The following SP100 variants were observed in gnomAD, a reference collection of about 807,000 sequenced individuals.
SP100 encodes SP100 nuclear body protein.
Under a neutral mutation model 130.0 loss-of-function variants are expected in SP100, and 84 were observed. The ratio of observed to expected loss-of-function variants is 0.65; its 90% confidence interval spans 0.54 to 0.77. The LOEUF (loss-of-function observed/expected upper bound fraction) is 0.77. SP100 is among the 30% of genes least tolerant of loss of function. The pLI is 0.00. For synonymous variants in SP100, 331 were observed against 351.7 expected (o/e 0.94, Z 0.66); for missense variants, 978 against 1,052.2 (o/e 0.93, Z 0.97).
intron 24 of SP100, among the ~76,000 whole-genome samples, chr2:230,522,404 C>A (rs1303700273): frequency 1.3e-5 from 2 of 150,482 alleles, no homozygotes; most frequent in Non-Finnish European, 3.0e-5. Flanking sequence ...GGCTTTTAAG[C>A]TGCTGTTCTA....
At chr2:230,421,754 G>T (rs899116783) in intron 2 of SP100, among the ~76,000 whole-genome samples, 1 of 151,924 alleles carries the variant, frequency 6.6e-6, no homozygotes, top group Non-Finnish European at 1.5e-5. Context: ...CACCTGTTTT[G>T]CCTGTCTGAA....
At position 230,445,171 on chromosome 2, in the gene SP100, A is replaced by G. The variant is rs114202496; in HGVS notation, c.439+825A>G. ...TTCTTGACCTTTTTCCTGAGAATGC[A>G]TAATTTATACTATTAAAATGGTACA... On this transcript the variant is annotated intron_variant, in intron 4 of 28. Coordinates refer to ENST00000340126, the MANE Select transcript of SP100 (RefSeq NM_001080391.2). 9.2e-3 allele frequency among the ~76,000 whole-genome samples: 1,406 copies of G among 152,330 alleles called. 23 individuals are homozygous for G. The highest frequency in any genetic ancestry group is 0.032 in the African/African-American group (1,344 of 41,562).
chr2:230,465,028 G>C (rs1007916614), intron 11 of SP100, among the ~76,000 whole-genome samples: 1 of 152,170 alleles, frequency 6.6e-6, no homozygotes, highest in Non-Finnish European at 1.5e-5. Flanking sequence ...ATGAGATTAG[G>C]AGTTCGAGAC....
At chr2:230,519,952 G>A (rs991924821) in intron 24 of SP100, among the ~76,000 whole-genome samples, 2 of 152,190 alleles carry the variant, frequency 1.3e-5, no homozygotes, top group Non-Finnish European at 2.9e-5. Flanking sequence ...TGCTGATAGA[G>A]GCAGTGTACC....
intron 14 of SP100, 79 bp downstream of exon 14, chr2:230,469,175 C>T (rs1649875): frequency 0.26 from 225,696 of 879,630 alleles, 32,359 homozygotes; most frequent in Middle Eastern, 0.32. Flanking sequence ...TATGTTATAT[C>T]CTTTAAAATA....
Position 230,450,170 on chromosome 2 carries a change from A to G in SP100, c.737-2A>G. On this transcript the variant is annotated splice_acceptor_variant, in intron 7 of 28. Coordinates refer to ENST00000340126, the MANE Select transcript of SP100 (RefSeq NM_001080391.2). LOFTEE classifies it high-confidence loss of function. ...CTCAGCTGTGATCTCGTTTATCTCCAGAGTCCTGCGAACAAATTGCTGTCC... is the reference window on the plus strand; with the variant it reads ...CTCAGCTGTGATCTCGTTTATCTCCGGAGTCCTGCGAACAAATTGCTGTCC... 6.2e-7 allele frequency: 1 copy of G among 1,611,282 alleles called. No individual in the cohort carries two copies. Among genetic ancestry groups the G allele is most frequent in the Non-Finnish European group, 8.5e-7 (1 of 1,177,442 alleles).
chr2:230,508,730 T>C (rs1372102692), intron 23 of SP100: 1 of 152,170 alleles, frequency 6.6e-6, no homozygotes, highest in African/African-American at 2.4e-5. Flanking sequence ...TGGTTGTTTT[T>C]CACTGGTTTT....
At chr2:230,429,328 G>C (rs1575593481) in intron 2 of SP100, among the ~76,000 whole-genome samples, 1 of 152,112 alleles carries the variant, frequency 6.6e-6, no homozygotes, top group East Asian at 1.9e-4. Context: ...TTTGCTGCTA[G>C]TCTTATGAGA....
intron 17 of SP100, among the ~76,000 whole-genome samples, chr2:230,475,741 G>A (rs186014414): frequency 1.9e-4 from 29 of 152,150 alleles, no homozygotes; most frequent in African/African-American, 5.3e-4. Context: ...GTCCAGTTTC[G>A]TTTTTCTTCG....
At chr2:230,478,480 C>T (rs2065674990) in intron 17 of SP100, among the ~76,000 whole-genome samples, 1 of 152,128 alleles carries the variant, frequency 6.6e-6, no homozygotes, top group Non-Finnish European at 1.5e-5. Context: ...AAATCAGTAA[C>T]GGTTATGAAA....
chr2:230,459,289 A>AT (rs2064454327), intron 8 of SP100, among the ~76,000 whole-genome samples: 1 of 152,176 alleles, frequency 6.6e-6, no homozygotes, highest in Admixed American at 6.5e-5. Flanking sequence ...AAATCAAGAC[A>AT]TTCTCTGATC....
Position 230,486,016 on chromosome 2 carries a change from A to G in SP100, c.1601-8400A>G, listed in dbSNP as rs539421999. Among the ~76,000 whole-genome samples, 12 of 152,304 alleles carry G rather than the reference A, an allele frequency of 7.9e-5. No homozygotes were observed. The South Asian group carries it at 2.5e-3, about 32-fold the overall frequency. On this transcript the variant is annotated intron_variant, in intron 17 of 28. Coordinates refer to ENST00000340126, the MANE Select transcript of SP100 (RefSeq NM_001080391.2). Reference sequence around the variant, plus strand: ...TGGCTACCTAGCTGAGACTATCTGTATTAGTCCATTCTCACACTGTTGTAA... The same window carrying G: ...TGGCTACCTAGCTGAGACTATCTGTGTTAGTCCATTCTCACACTGTTGTAA...
chr2:230,429,267 A>G (rs893729727), intron 2 of SP100, among the ~76,000 whole-genome samples: 1 of 152,186 alleles, frequency 6.6e-6, no homozygotes, highest in African/African-American at 2.4e-5. Context: ...CATTTTGAAC[A>G]TATCACCCTA....
chr2:230,543,081 C>A lies in SP100; in HGVS notation c.*135C>A. 2 of 540,772 alleles carry A rather than the reference C, an allele frequency of 3.7e-6. No individual in the cohort carries two copies. Among genetic ancestry groups the A allele is most frequent in the Admixed American group, 3.6e-5 (1 of 27,776 alleles). 33.5% of individuals were successfully genotyped at this position (540,772 alleles called of 1,614,324 possible). ...AAATTTATCATTGCCATTTTAAAAC[C>A]GTCTTTTCAGCTTTCAATAAAATTC... On this transcript the variant is annotated 3_prime_UTR_variant, in exon 29 of 29. Transcript: ENST00000340126.
At chr2:230,491,838 C>G (rs1048204152) in intron 17 of SP100, among the ~76,000 whole-genome samples, 1 of 152,174 alleles carries the variant, frequency 6.6e-6, no homozygotes, top group Non-Finnish European at 1.5e-5. Context: ...CTGACCATGT[C>G]ATTAGGTTCT....
intron 24 of SP100, among the ~76,000 whole-genome samples, chr2:230,521,012 C>T (rs1013416850): frequency 3.9e-5 from 6 of 152,184 alleles, no homozygotes; most frequent in Non-Finnish European, 7.3e-5. Flanking sequence ...ATGTCAACAA[C>T]TTGAGGAACT....
intron 8 of SP100, among the ~76,000 whole-genome samples, chr2:230,455,743 C>G (rs1481153442): frequency 1.3e-5 from 2 of 152,166 alleles, no homozygotes; most frequent in Non-Finnish European, 2.9e-5. Context: ...GTGATTTTCT[C>G]TAGTGATACA....
chr2:230,494,586 C>G, intron 18 of SP100, 126 bp downstream of exon 18: 1 of 698,330 alleles, frequency 1.4e-6, no homozygotes. Context: ...CTCATGGATT[C>G]TTTAGAGTAC....
intron 24 of SP100, among the ~76,000 whole-genome samples, chr2:230,522,242 G>T (rs560777527): frequency 5.8e-4 from 88 of 152,280 alleles, no homozygotes; most frequent in African/African-American, 1.8e-3. Flanking sequence ...ATGGATCATT[G>T]TGTTTTGGTG....
Sources: gnomAD v4.1 joint callset for allele counts (sites outside exome capture counted in the v4.1 genomes callset) on GRCh38, gnomAD v4.1.1 for gene constraint, MANE v1.5 for transcripts, NCBI Gene and HGNC (gene_info 2026-07-23, HGNC 2026-07-21) for gene names.